CCDC170: variants seen among roughly 807,000 people sequenced by gnomAD.
The protein encoded by CCDC170 is coiled-coil domain containing 170.
Under a neutral mutation model 72.6 loss-of-function variants are expected in CCDC170, and 69 were observed. The observed-to-expected ratio is 0.95, with a 90% confidence interval of 0.78 to 1.16. CCDC170 has a LOEUF of 1.16. CCDC170 is among the 50% of genes most tolerant of loss of function. CCDC170 has a pLI of 0.00. For missense variants in CCDC170, 852 were observed against 832.5 expected, an observed-to-expected ratio of 1.02 and a Z score of -0.29; for synonymous variants, 300 against 303.9, an observed-to-expected ratio of 0.99 and a Z score of 0.13.
Position 151,617,938 on chromosome 6 carries a change from A to T in CCDC170, c.1948-9A>T, listed in dbSNP as rs1776995300. ...CTCCCAGTTAATGAGTTTCTGTTTG[A>T]TATTGCAGCTGGCAGACTTCAGGGA... On this transcript the variant is annotated splice_polypyrimidine_tract_variant and intron_variant, in intron 10 of 10. Transcript: ENST00000239374. 2.5e-6 allele frequency: 4 copies of T among 1,610,416 alleles called. No individual in the cohort carries two copies. The South Asian group carries it at 4.4e-5, about 18-fold the overall frequency.
At chr6:151,611,921 G>A (rs991625905) in intron 9 of CCDC170, among the ~76,000 whole-genome samples, 1 of 152,006 alleles carries the variant, frequency 6.6e-6, no homozygotes, top group African/African-American at 2.4e-5. Flanking sequence ...ATCTTGGCCA[G>A]GCTGGTCTCG....
intron 9 of CCDC170, among the ~76,000 whole-genome samples, chr6:151,599,602 C>T (rs987110968): frequency 2.8e-4 from 43 of 152,144 alleles, no homozygotes; most frequent in African/African-American, 9.6e-4. Flanking sequence ...TCCTCTGGGT[C>T]CTGAGGAGCC....
chr6:151,599,240 G>A (rs1421694222), intron 9 of CCDC170, among the ~76,000 whole-genome samples: 1 of 152,212 alleles, frequency 6.6e-6, no homozygotes, highest in Non-Finnish European at 1.5e-5. Context: ...CCCATAGGGA[G>A]GTGCTTTCAT....
At position 151,593,258 on chromosome 6, in the gene CCDC170, T is replaced by C. The variant is rs748035598; in HGVS notation, c.1445T>C (p.Ile482Thr). The change falls in exon 8 of 11, where the codon ATT becomes ACT. Residue 482 changes from isoleucine to threonine, a missense_variant. By Grantham distance (89) the Ile-to-Thr change is moderately conservative. Coordinates refer to ENST00000239374, the MANE Select transcript of CCDC170 (RefSeq NM_025059.4). ...AATGCAGTCATTGAGAACAAGACCA[T>C]TGCCCACAATTTGCAGAGAAAGGTA... ...ESNAVIENKT[I>T]AHNLQRKLKT... is the part of the protein sequence containing the mutation. 5.6e-6 allele frequency: 9 copies of C among 1,613,902 alleles called. No homozygotes were observed. The highest frequency in any genetic ancestry group is 7.6e-6 in the Non-Finnish European group (9 of 1,179,796).
chr6:151,538,796 T>C (rs1782633214), intron 3 of CCDC170, among the ~76,000 whole-genome samples: 1 of 152,186 alleles, frequency 6.6e-6, no homozygotes, highest in South Asian at 2.1e-4. Context: ...TGAGACAAAA[T>C]TGGGAATGAG....
At chr6:151,505,201 A>G (rs1196670023) in intron 1 of CCDC170, among the ~76,000 whole-genome samples, 1 of 152,108 alleles carries the variant, frequency 6.6e-6, no homozygotes, top group Non-Finnish European at 1.5e-5. Context: ...TTCCCTTCTC[A>G]GTGGCCTGCA....
intron 4 of CCDC170, among the ~76,000 whole-genome samples, chr6:151,546,505 G>A (rs930849481): frequency 1.3e-5 from 2 of 151,974 alleles, no homozygotes; most frequent in Non-Finnish European, 1.5e-5. Context: ...TTGCTGAGCC[G>A]GGAGAGCCTG....
rs149869675 is a variant in CCDC170 at position 151,502,056 on chromosome 6, C to T, written c.57+7871C>T. Among the ~76,000 whole-genome samples, 29 of 152,272 alleles carry T rather than the reference C, an allele frequency of 1.9e-4. No homozygotes were observed. The East Asian group carries it at 5.6e-3, about 29-fold the overall frequency. ...CACCTCATTCTTTCTCTTACTGATA[C>T]CAGCACAGCTATTGCTGATAGTTTA... On this transcript the variant is annotated intron_variant, in intron 1 of 10. Coordinates refer to ENST00000239374, the MANE Select transcript of CCDC170 (RefSeq NM_025059.4).
intron 9 of CCDC170, among the ~76,000 whole-genome samples, chr6:151,604,484 T>G (rs938688219): frequency 1.3e-5 from 2 of 152,150 alleles, no homozygotes; most frequent in African/African-American, 4.8e-5. Flanking sequence ...TACAGCTGGA[T>G]AGGAGGAATA....
Position 151,494,036 on chromosome 6 carries a change from C to A in CCDC170, c.-93C>A. 1 of 1,269,376 alleles carries A rather than the reference C, an allele frequency of 7.9e-7. No homozygotes were observed. The highest frequency in any genetic ancestry group is 1.0e-6 in the Non-Finnish European group (1 of 973,392). 78.6% of individuals were successfully genotyped at this position (1,269,376 alleles called of 1,614,324 possible). A position where few individuals can be genotyped will look rare whatever the true frequency, so the allele number is the denominator to read the frequency against. On this transcript the variant is annotated 5_prime_UTR_variant, in exon 1 of 11. Transcript: ENST00000239374. Reference sequence around the variant, plus strand: ...GTCCCCGCGGTGTTTACCCGTTGCCCGAGGAGACACCCGCGCCACCCGCCG... The same window carrying A: ...GTCCCCGCGGTGTTTACCCGTTGCCAGAGGAGACACCCGCGCCACCCGCCG...
intron 5 of CCDC170, among the ~76,000 whole-genome samples, chr6:151,566,854 G>C (rs1201292348): frequency 6.6e-6 from 1 of 152,170 alleles, no homozygotes. Flanking sequence ...GCTGCTTCTT[G>C]CTAGTTCACT....
intron 1 of CCDC170, among the ~76,000 whole-genome samples, chr6:151,518,354 A>G (rs1353982709): frequency 1.3e-5 from 2 of 152,114 alleles, no homozygotes; most frequent in Non-Finnish European, 2.9e-5. Flanking sequence ...GCAGATGAGA[A>G]TGGGACGAGA....
chr6:151,532,208 A>T (rs900255114), intron 1 of CCDC170, among the ~76,000 whole-genome samples: 3 of 152,246 alleles, frequency 2.0e-5, no homozygotes, highest in Non-Finnish European at 2.9e-5. Flanking sequence ...ATTTAGGTAC[A>T]TATTTAATAT....
In CCDC170 at chr6:151,506,324, T is replaced by C. The variant is rs575291760; in HGVS notation, c.57+12139T>C. 2.6e-5 allele frequency among the ~76,000 whole-genome samples: 4 copies of C among 152,364 alleles called. No individual in the cohort carries two copies. The South Asian group carries it at 8.3e-4, about 32-fold the overall frequency. The stretch of plus-strand genomic sequence containing the variant: ...TTATAGTTTTGACCATATTGGCTGT[T>C]AAGTGTTTCTTTCTGATAGTAATTA... On this transcript the variant is annotated intron_variant, in intron 1 of 10. Transcript: ENST00000239374.
intron 9 of CCDC170, among the ~76,000 whole-genome samples, chr6:151,608,667 T>C (rs972292436): frequency 1.3e-5 from 2 of 152,170 alleles, no homozygotes; most frequent in Non-Finnish European, 2.9e-5. Flanking sequence ...TGGAGATGCA[T>C]GGCAGGCTGT....
At chr6:151,527,510 G>A (rs1036146105) in intron 1 of CCDC170, among the ~76,000 whole-genome samples, 2 of 152,148 alleles carry the variant, frequency 1.3e-5, no homozygotes, top group African/African-American at 4.8e-5. Flanking sequence ...AAAATTGACA[G>A]GATGAATGAT....
In CCDC170 at chr6:151,536,352, C is replaced by T. The variant is rs1159721192; in HGVS notation, c.92C>T (p.Thr31Met). 1.9e-6 allele frequency: 3 copies of T among 1,613,978 alleles called. No individual in the cohort carries two copies. Among genetic ancestry groups the T allele is most frequent in the African/African-American group, 1.3e-5 (1 of 74,910 alleles). The change falls in exon 2 of 11, where the codon ACG becomes ATG. Residue 31 changes from threonine to methionine, a missense_variant. Thr to Met is a moderately conservative substitution (Grantham distance 81). Transcript: ENST00000239374. ...TYDHLSEVPV[T>M]REQLNHYRNV... ...GATCATCTTTCGGAAGTCCCGGTCA[C>T]GCGGGAGCAGTTAAACCACTATCGG... is the stretch of plus-strand genomic sequence containing the variant.
In CCDC170 at chr6:151,615,424, C is replaced by G; in HGVS notation, c.1711-19C>G. 6.5e-7 allele frequency: 1 copy of G among 1,537,570 alleles called. No individual in the cohort carries two copies. Among genetic ancestry groups the G allele is most frequent in the Non-Finnish European group, 9.0e-7 (1 of 1,112,746 alleles). On this transcript the variant is annotated intron_variant, in intron 9 of 10. Transcript: ENST00000239374. ...AACTAAATACAAAAGGAGTTATCAGCATTCTCTTGACTTTCTAGATTAAAA... is the reference window on the plus strand; with the variant it reads ...AACTAAATACAAAAGGAGTTATCAGGATTCTCTTGACTTTCTAGATTAAAA...
intron 10 of CCDC170, among the ~76,000 whole-genome samples, chr6:151,617,408 CTTTTTTTTTTTTTTTTTTTTTTTTTTT>C (rs745655791): frequency 0.38 from 34,857 of 91,960 alleles, 4,986 homozygotes; most frequent in Middle Eastern, 0.49. Context: ...GCTGTTTGTT[CTTTTTTTTTTTTTTTTTTTTTTTTTTT>C]TTTTTTTTTT....
Sources: gnomAD v4.1 joint callset for allele counts (sites outside exome capture counted in the v4.1 genomes callset) on GRCh38, gnomAD v4.1.1 for gene constraint, MANE v1.5 for transcripts, NCBI Gene and HGNC (gene_info 2026-07-23, HGNC 2026-07-21) for gene names.